Variants in TSHZ1 observed in about 807,000 individuals in gnomAD.
TSHZ1 encodes teashirt homolog 1.
In TSHZ1, 12 loss-of-function variants were observed where a neutral mutation model predicts 67.1. The observed-to-expected ratio is 0.18, with a 90% CI of 0.11 to 0.29. The LOEUF (loss-of-function observed/expected upper bound fraction) is 0.29, where lower values mean the gene tolerates loss of function less well. TSHZ1 is among the 10% of genes least tolerant of loss of function. The probability of loss-of-function intolerance (pLI) is 1.00; values close to 1 mark genes in which losing one functional copy is unlikely to be tolerated. For missense variants in TSHZ1, 1,305 were observed against 1,413.9 expected, an observed-to-expected ratio of 0.92 and a Z score of 1.23; for synonymous variants, 632 against 622.4, an observed-to-expected ratio of 1.02 and a Z score of -0.23.
chr18:75,229,934 TTCA>T (rs1218825367), intron 1 of TSHZ1, among the ~76,000 whole-genome samples: 1 of 152,250 alleles, frequency 6.6e-6, no homozygotes, highest in Non-Finnish European at 1.5e-5. Flanking sequence ...AAGTAATCTG[TTCA>T]TCATTATACA....
At chr18:75,274,462 A>C (rs1056885446) in intron 1 of TSHZ1, among the ~76,000 whole-genome samples, 1 of 152,094 alleles carries the variant, frequency 6.6e-6, no homozygotes, top group African/African-American at 2.4e-5. Context: ...TTTAGTCTAA[A>C]AGATTGTATT....
At chr18:75,241,040 A>G (rs1350200408) in intron 1 of TSHZ1, among the ~76,000 whole-genome samples, 1 of 151,980 alleles carries the variant, frequency 6.6e-6, no homozygotes, top group Non-Finnish European at 1.5e-5. Flanking sequence ...CCCTCATTAC[A>G]TTTTCTGGCC....
chr18:75,248,596 A>G (rs2023253104), intron 1 of TSHZ1, among the ~76,000 whole-genome samples: 1 of 152,230 alleles, frequency 6.6e-6, no homozygotes, highest in Non-Finnish European at 1.5e-5. Flanking sequence ...ATTGGCCCAC[A>G]TTAATGGAGA....
chr18:75,258,793 CTCA>C (rs2122577994), intron 1 of TSHZ1, among the ~76,000 whole-genome samples: 1 of 152,262 alleles, frequency 6.6e-6, no homozygotes, highest in Non-Finnish European at 1.5e-5. Flanking sequence ...CTCACTCGAG[CTCA>C]CAGTGAAGAT....
At chr18:75,235,852 C>T (rs2023060863) in intron 1 of TSHZ1, among the ~76,000 whole-genome samples, 1 of 152,198 alleles carries the variant, frequency 6.6e-6, no homozygotes. Flanking sequence ...CCTCTGCCTC[C>T]TCCAGCGTCT....
Position 75,281,299 on chromosome 18 carries a change from G to A in TSHZ1, c.41-4149G>A, listed in dbSNP as rs1035489452. On this transcript the variant is annotated intron_variant, in intron 1 of 1. Coordinates refer to ENST00000580243, the MANE Select transcript of TSHZ1 (RefSeq NM_001308210.2). This position sits in a 1 kb window ranked among gnomAD's most constrained non-coding sequence, Gnocchi z 5.3. ...CTGCTTTTCTGCCTCGGATACTCTC[G>A]TTTGGGGTTATTCGGTAACGTCTGA... Among the ~76,000 whole-genome samples the A allele has an allele frequency of 1.3e-5, 2 of 152,210 alleles. No individual in the cohort carries two copies. Among genetic ancestry groups the A allele is most frequent in the South Asian group, 2.1e-4 (1 of 4,830 alleles).
intron 1 of TSHZ1, among the ~76,000 whole-genome samples, chr18:75,217,650 G>A (rs2022787780): frequency 6.6e-6 from 1 of 152,208 alleles, no homozygotes; most frequent in African/African-American, 2.4e-5. Context: ...GCTCTTGCTA[G>A]ACCGCAACTT....
chr18:75,277,401 G>T (rs529588017), intron 1 of TSHZ1, among the ~76,000 whole-genome samples: 1 of 152,196 alleles, frequency 6.6e-6, no homozygotes, highest in Non-Finnish European at 1.5e-5. Flanking sequence ...GGAGGAGGAG[G>T]AGGAGGAGCA....
chr18:75,258,617 T>C (rs2023392026), intron 1 of TSHZ1, among the ~76,000 whole-genome samples: 1 of 152,224 alleles, frequency 6.6e-6, no homozygotes, highest in African/African-American at 2.4e-5. Flanking sequence ...TAAATGTGTG[T>C]GTCAGTGTGT....
chr18:75,225,669 C>T (rs1177819727), intron 1 of TSHZ1, among the ~76,000 whole-genome samples: 1 of 151,942 alleles, frequency 6.6e-6, no homozygotes, highest in Non-Finnish European at 1.5e-5. Context: ...AAGGTTTTCC[C>T]AAGGAGAGGT....
Position 75,265,339 on chromosome 18 carries a change from TG to T in TSHZ1, c.41-20106del, listed in dbSNP as rs33956557. ...TGCTTTTCTACTGTCATATTTGATT[TG>T]GGCTGCGTCCTGATGGTTGTTTGAA... On this transcript the variant is annotated intron_variant, in intron 1 of 1. Coordinates refer to ENST00000580243, the MANE Select transcript of TSHZ1 (RefSeq NM_001308210.2). Among the ~76,000 whole-genome samples, 966 of 152,336 alleles carry T rather than the reference TG, an allele frequency of 6.3e-3. 12 individuals carry two copies. Among genetic ancestry groups the T allele is most frequent in the African/African-American group, 0.022 (923 of 41,578 alleles).
At chr18:75,251,408 A>G (rs1015376460) in intron 1 of TSHZ1, among the ~76,000 whole-genome samples, 1 of 150,024 alleles carries the variant, frequency 6.7e-6, no homozygotes, top group Non-Finnish European at 1.5e-5. Context: ...GGATGGTAGT[A>G]TTTATTGGCT....
chr18:75,245,901 C>G (rs1550459), intron 1 of TSHZ1, among the ~76,000 whole-genome samples: 20,613 of 152,204 alleles, frequency 0.14, 1,709 homozygotes, highest in East Asian at 0.32. Flanking sequence ...TTTTCTTGTA[C>G]TAAGTGTTGT....
intron 1 of TSHZ1, among the ~76,000 whole-genome samples, chr18:75,258,545 A>G (rs574116368): frequency 6.6e-6 from 1 of 152,192 alleles, no homozygotes; most frequent in South Asian, 2.1e-4. Context: ...AAAAAGGGAA[A>G]TTTTTTTCTC....
At chr18:75,211,978 T>C in intron 1 of TSHZ1, 62 bp downstream of exon 1, 1 of 1,171,316 alleles carries the variant, frequency 8.5e-7, no homozygotes, top group East Asian at 3.5e-5. Context: ...AGGAGGGGGC[T>C]TCGCGGGCCG....
intron 1 of TSHZ1, among the ~76,000 whole-genome samples, chr18:75,258,903 A>G (rs1399583463): frequency 1.3e-5 from 2 of 152,222 alleles, no homozygotes; most frequent in Admixed American, 6.5e-5. Context: ...TTAACTTGCT[A>G]TTAAAAAAAT....
chr18:75,283,077 G>A (rs981868403), intron 1 of TSHZ1: 3 of 152,302 alleles, frequency 2.0e-5, no homozygotes, highest in Non-Finnish European at 2.9e-5. Flanking sequence ...CTGATAGAAG[G>A]GCCTCCCGCA....
chr18:75,281,661 G>A lies in TSHZ1; in HGVS notation c.41-3787G>A, dbSNP rs2023687245. 6.6e-6 allele frequency among the ~76,000 whole-genome samples: 1 copy of A among 152,176 alleles called. No individual in the cohort carries two copies. The highest frequency in any genetic ancestry group is 2.4e-5 in the African/African-American group (1 of 41,444). Reference sequence around the variant, plus strand: ...GAGAGGCTGCAGTAAGAACGGGCAAGAGCAGGAGGCAGACCTGGGGATGCG... The same window carrying A: ...GAGAGGCTGCAGTAAGAACGGGCAAAAGCAGGAGGCAGACCTGGGGATGCG... On this transcript the variant is annotated intron_variant, in intron 1 of 1. Transcript: ENST00000580243. The surrounding 1 kb of genome is among the most constrained non-coding windows in gnomAD (Gnocchi z 5.3).
intron 1 of TSHZ1, among the ~76,000 whole-genome samples, chr18:75,268,200 C>G (rs2023515286): frequency 6.6e-6 from 1 of 152,200 alleles, no homozygotes; most frequent in Non-Finnish European, 1.5e-5. Flanking sequence ...TCTTCATTTT[C>G]CAATGGGCAG....
Sources: gnomAD v4.1 joint callset for allele counts (sites outside exome capture counted in the v4.1 genomes callset) on GRCh38, gnomAD v4.1.1 for gene constraint, Gnocchi (gnomAD v3.1) non-coding constraint, MANE v1.5 for transcripts, NCBI Gene and HGNC (gene_info 2026-07-23, HGNC 2026-07-21) for gene names.